The following ZFYVE16 variants were observed in gnomAD, a reference collection of about 807,000 sequenced individuals.
ZFYVE16 encodes zinc finger FYVE domain-containing protein 16.
ZFYVE16 carries 89 observed loss-of-function variants against 138.1 expected under a neutral mutation model. The observed-to-expected ratio is 0.64, with a 90% CI of 0.54 to 0.77. The LOEUF (loss-of-function observed/expected upper bound fraction) is 0.77. Ranked by LOEUF, ZFYVE16 falls within the 30% of genes least tolerant of loss-of-function variation. The pLI, the probability that ZFYVE16 is intolerant of heterozygous loss-of-function variation, is 0.00. For synonymous variants in ZFYVE16, 596 were observed against 618.3 expected, an observed-to-expected ratio of 0.96 and a Z score of 0.53; for missense variants, 1,793 against 1,786.7, an observed-to-expected ratio of 1.00 and a Z score of -0.06.
intron 3 of ZFYVE16, 109 bp from the exon 4 acceptor site, chr5:80,436,647 A>G (rs905774995): frequency 4.0e-5 from 40 of 989,552 alleles, no homozygotes; most frequent in African/African-American, 1.1e-4. Flanking sequence ...AGGATAATCT[A>G]TGTTCTTTTA....
Position 80,438,287 on chromosome 5 carries a change from T to A in ZFYVE16, c.1602T>A (p.Asp534Glu), listed in dbSNP as rs752025469. Residue 534 changes from aspartate (D) to glutamate (E), a missense_variant, in exon 4 of 19, where the codon GAT becomes GAA. Asp to Glu is a conservative substitution (Grantham distance 45). Around this residue, in one of 2 missense-constraint regions of ZFYVE16, gnomAD observed 1,295 missense variants for 1,204.3 expected, o/e 1.08. Transcript: ENST00000505560. ...SGPLISDAEL[D>E]AFLTEQYLQT... is the part of the protein sequence containing the mutation. The stretch of plus-strand genomic sequence containing the variant: ...CACTAATTAGTGATGCTGAACTTGA[T>A]GCCTTTCTGACAGAACAGTATCTTC... The A allele has an allele frequency of 1.9e-6, 3 of 1,613,992 alleles. No homozygotes were observed.
intron 1 of ZFYVE16, among the ~76,000 whole-genome samples, chr5:80,414,040 T>C (rs1387157919): frequency 6.6e-6 from 1 of 152,236 alleles, no homozygotes; most frequent in Non-Finnish European, 1.5e-5. Context: ...AAATATTGTA[T>C]GTAGCTGAAC....
intron 15 of ZFYVE16, among the ~76,000 whole-genome samples, chr5:80,465,971 G>C (rs1365950700): frequency 6.6e-6 from 1 of 150,960 alleles, no homozygotes; most frequent in Non-Finnish European, 1.5e-5. Flanking sequence ...TATTGCCCAA[G>C]CTTGAGTGCA....
rs575023115 is a variant in ZFYVE16, at chr5:80,460,904, A to G, written c.4024+1410A>G. On this transcript the variant is annotated intron_variant, in intron 15 of 18. Coordinates refer to ENST00000505560, the MANE Select transcript of ZFYVE16 (RefSeq NM_001284236.3). ...TTAATGAAATCATCACCCACCTTTG[A>G]CTATTATCAATTTATAGCCAATCCT... Among the ~76,000 whole-genome samples the G allele has an allele frequency of 3.3e-4, 50 of 152,338 alleles. No homozygotes were observed. The Middle Eastern group carries it at 0.01, about 31-fold the overall frequency.
intron 2 of ZFYVE16, among the ~76,000 whole-genome samples, chr5:80,429,964 A>G (rs1053231589): frequency 1.3e-5 from 2 of 152,132 alleles, no homozygotes; most frequent in African/African-American, 2.4e-5. Context: ...CTACAAAGAG[A>G]CTTTCACTCC....
Position 80,434,096 on chromosome 5 carries a change from TTC to T in ZFYVE16, c.-39-11_-39-10del. ...TAATTAAATGAAATATTATTATACT[TTC>T]TATTTTTTAGGCATACAAGAATTAA... On this transcript the variant is annotated splice_polypyrimidine_tract_variant and intron_variant, in intron 2 of 18. Transcript: ENST00000505560. 2 of 1,512,464 alleles carry T rather than the reference TTC, an allele frequency of 1.3e-6. No homozygotes were observed. The highest frequency in any genetic ancestry group is 9.1e-7 in the Non-Finnish European group (1 of 1,094,998). 93.7% of individuals were successfully genotyped at this position (1,512,464 alleles called of 1,614,324 possible).
At position 80,426,166 on chromosome 5, in the gene ZFYVE16, C is replaced by T. The variant is rs575170195; in HGVS notation, c.-93-1326C>T. Among the ~76,000 whole-genome samples, 34 of 149,226 alleles carry T rather than the reference C, an allele frequency of 2.3e-4. No individual in the cohort carries two copies. The East Asian group carries it at 3.9e-3, about 17-fold the overall frequency. On this transcript the variant is annotated intron_variant, in intron 1 of 18. Transcript: ENST00000505560. ...CAATATTATTAAGGACAGGGTTCCC[C>T]GGATTGAGATATATATATATATATG... is the stretch of plus-strand genomic sequence containing the variant.
chr5:80,434,071 T>C (rs1580191599), intron 2 of ZFYVE16, 38 bp from the exon 3 acceptor site: 2 of 1,352,842 alleles, frequency 1.5e-6, no homozygotes, highest in Non-Finnish European at 2.1e-6. Flanking sequence ...ATTTGTTATG[T>C]AATTAAATGA....
chr5:80,471,789 TA>T (rs753591891), intron 15 of ZFYVE16, among the ~76,000 whole-genome samples: 1 of 152,222 alleles, frequency 6.6e-6, no homozygotes, highest in Non-Finnish European at 1.5e-5. Flanking sequence ...TATGTTTTAG[TA>T]GGCAGTTTCA....
chr5:80,437,333 A>C lies in ZFYVE16; in HGVS notation c.648A>C (p.Ser216=), dbSNP rs375498589. Residue 216 remains serine (S), a synonymous_variant, in exon 4 of 19, where the codon TCA becomes TCC. Coordinates refer to ENST00000505560, the MANE Select transcript of ZFYVE16 (RefSeq NM_001284236.3). ...ELGIKVDTTL[S]DSYNYSGTEN... is the part of the protein sequence containing the mutation. ...GTATAAAAGTAGATACAACACTTTCAGATTCCTATAATTACAGTGGAACAG... is the reference window on the plus strand; with the variant it reads ...GTATAAAAGTAGATACAACACTTTCCGATTCCTATAATTACAGTGGAACAG... 25 of 1,602,240 alleles carry C rather than the reference A, an allele frequency of 1.6e-5. No individual in the cohort carries two copies. In the African/African-American group the frequency reaches 2.7e-4, roughly 17 times the overall value.
chr5:80,459,459 C>T lies in ZFYVE16; in HGVS notation c.3989C>T (p.Ser1330Phe). Residue 1330 changes from serine (S) to phenylalanine (F), a missense_variant, in exon 15 of 19, where the codon TCT (serine) becomes TTT (phenylalanine). Physicochemically the swap from Ser to Phe is radical, Grantham distance 155. Around this residue, in one of 2 missense-constraint regions of ZFYVE16, gnomAD observed 498 missense variants for 582.4 expected, o/e 0.86. Transcript: ENST00000505560. ...FVVFNGALKT[S>F]SGFLAKSSIV... ...GTATTCAATGGAGCTCTAAAAACAT[C>T]TTCAGGATTTCTTGCTAAGTCCAGC... The T allele has an allele frequency of 6.2e-7, 1 of 1,613,162 alleles. No individual in the cohort carries two copies. The highest frequency in any genetic ancestry group is 8.5e-7 in the Non-Finnish European group (1 of 1,179,544).
intron 15 of ZFYVE16, among the ~76,000 whole-genome samples, chr5:80,471,021 G>C (rs917747200): frequency 6.6e-6 from 1 of 152,170 alleles, no homozygotes; most frequent in Non-Finnish European, 1.5e-5. Context: ...ATGAATGGAC[G>C]TGCAGTCAGG....
Position 80,426,264 on chromosome 5 carries a change from G to A in ZFYVE16, c.-93-1228G>A, listed in dbSNP as rs1305060524. ...TGTCTGTGTGTGTGTGTGTGTGTGTGTGTGTGTGTATATATATATATATAT... is the reference window on the plus strand; with the variant it reads ...TGTCTGTGTGTGTGTGTGTGTGTGTATGTGTGTGTATATATATATATATAT... On this transcript the variant is annotated intron_variant, in intron 1 of 18. Transcript: ENST00000505560. Among the ~76,000 whole-genome samples the A allele has an allele frequency of 6.7e-3, 368 of 54,968 alleles. 3 individuals are homozygous for A. Among genetic ancestry groups the A allele is most frequent in the African/African-American group, 0.017 (344 of 20,606 alleles). The allele number at this position is 54,968 out of a possible 152,430, so 36.1% of individuals were successfully genotyped here. A position where few individuals can be genotyped will look rare whatever the true frequency, so the allele number is the denominator to read the frequency against.
chr5:80,446,759 A>T (rs1272885069), intron 7 of ZFYVE16, among the ~76,000 whole-genome samples: 2 of 152,204 alleles, frequency 1.3e-5, no homozygotes, highest in African/African-American at 4.8e-5. Flanking sequence ...GGTGATATTT[A>T]TGCTTACATT....
In ZFYVE16 at chr5:80,443,197, G is replaced by C. The variant is rs558636138; in HGVS notation, c.2494G>C (p.Val832Leu). ...TAATCATTCTGATGAATGTACTACT[G>C]TCCAGCCTCCTCAGGAGAACCAAAC... ...KSNHSDECTT[V>L]QPPQENQTSS... The change falls in exon 6 of 19, where the codon GTC becomes CTC. Residue 832 changes from valine to leucine, a missense_variant. Physicochemically the swap from Val to Leu is conservative, Grantham distance 32. Coordinates refer to ENST00000505560, the MANE Select transcript of ZFYVE16 (RefSeq NM_001284236.3). The C allele has an allele frequency of 6.2e-7, 1 of 1,609,490 alleles. No homozygotes were observed. Among genetic ancestry groups the C allele is most frequent in the Admixed American group, 1.7e-5 (1 of 58,350 alleles).
intron 8 of ZFYVE16, 66 bp downstream of exon 8, chr5:80,448,470 CAT>C (rs2112442583): frequency 7.5e-7 from 1 of 1,329,762 alleles, no homozygotes; most frequent in Non-Finnish European, 9.7e-7. Context: ...TTATCTGTGA[CAT>C]ATGAAATGTA....
intron 15 of ZFYVE16, among the ~76,000 whole-genome samples, chr5:80,470,086 TG>T (rs1754174172): frequency 2.7e-5 from 2 of 73,226 alleles, no homozygotes; most frequent in Non-Finnish European, 6.2e-5. Context: ...TGTGTGTGTG[TG>T]TGTGTGTGTG....
At chr5:80,432,411 C>T (rs1749184667) in intron 2 of ZFYVE16, among the ~76,000 whole-genome samples, 1 of 152,196 alleles carries the variant, frequency 6.6e-6, no homozygotes, top group South Asian at 2.1e-4. Context: ...GAATCCCTTC[C>T]TTACACCTTA....
chr5:80,470,166 A>G (rs1269411811), intron 15 of ZFYVE16, among the ~76,000 whole-genome samples: 3 of 143,862 alleles, frequency 2.1e-5, no homozygotes, highest in African/African-American at 2.6e-5. Flanking sequence ...CAGTGGCGCA[A>G]TCTCGGCTCA....
Sources: allele counts gnomAD v4.1 joint callset (sites outside exome capture counted in the v4.1 genomes callset), GRCh38; gene constraint gnomAD v4.1.1; regional missense constraint gnomAD v4.1.1; transcripts MANE v1.5; gene names NCBI Gene and HGNC (gene_info 2026-07-23, HGNC 2026-07-21).